The following IQSEC1 variants were observed in gnomAD, a reference collection of about 807,000 sequenced individuals.
IQSEC1 encodes the protein IQ motif and Sec7 domain ArfGEF 1.
In IQSEC1, 31 loss-of-function variants were observed where a neutral mutation model predicts 91.0. That is an observed-to-expected ratio of 0.34 (90% CI 0.26 to 0.46). IQSEC1 has a LOEUF of 0.46. Among genes scored for constraint, IQSEC1 ranks in the 20% least tolerant of loss-of-function variants. The probability of loss-of-function intolerance (pLI) is 1.00; values close to 1 mark genes in which losing one functional copy is unlikely to be tolerated. For synonymous variants in IQSEC1, 699 were observed against 662.6 expected (o/e 1.05, Z -0.84); for missense variants, 1,388 against 1,575.6 (o/e 0.88, Z 2.02).
intron 1 of IQSEC1, among the ~76,000 whole-genome samples, chr3:13,181,087 C>T (rs974823606): frequency 5.9e-5 from 9 of 152,146 alleles, no homozygotes; most frequent in Admixed American, 2.0e-4. Flanking sequence ...GTGGCTAACG[C>T]GGTGAAACCC....
chr3:13,156,808 C>T lies in IQSEC1; in HGVS notation c.302+7296G>A, dbSNP rs944594818. ...AAGGGGGATTGGACTGAGGAGAACT[C>T]ATCTTGGGTGAGACCTGGGGGAGCA... On this transcript the variant is annotated intron_variant, in intron 2 of 15. Coordinates refer to the IQSEC1 transcript ENST00000648114. 3.3e-5 allele frequency among the ~76,000 whole-genome samples: 5 copies of T among 152,262 alleles called. No individual in the cohort carries two copies. In the South Asian group the frequency reaches 8.3e-4, roughly 25 times the overall value.
intron 2 of IQSEC1, among the ~76,000 whole-genome samples, chr3:13,100,822 CG>C (rs1040237169): frequency 2.0e-5 from 3 of 148,824 alleles, no homozygotes; most frequent in African/African-American, 5.1e-5. Context: ...GCCACAGCGT[CG>C]GGGGGACCGA....
chr3:12,955,970 G>A (rs1439197214), intron 1 of IQSEC1, among the ~76,000 whole-genome samples: 1 of 152,224 alleles, frequency 6.6e-6, no homozygotes, highest in Non-Finnish European at 1.5e-5. Flanking sequence ...CCCAAACAGT[G>A]TTTCAAAAAC....
intron 2 of IQSEC1, among the ~76,000 whole-genome samples, chr3:13,101,419 C>CAAAAGAAAAAAAAAAAAAAAAA (rs1706061270): frequency 8.4e-6 from 1 of 119,488 alleles, no homozygotes; most frequent in Non-Finnish European, 1.8e-5. Context: ...ATTCCATCTC[C>CAAAAGAAAAAAAAAAAAAAAAA]AAAAAAAAAA....
chr3:13,201,559 G>C (rs1019912641), intron 1 of IQSEC1, among the ~76,000 whole-genome samples: 2 of 152,106 alleles, frequency 1.3e-5, no homozygotes, highest in South Asian at 4.1e-4. Context: ...GCTCAGGCTG[G>C]TCTCGAACTC....
intron 2 of IQSEC1, among the ~76,000 whole-genome samples, chr3:13,138,160 C>T (rs868233126): frequency 1.3e-5 from 2 of 152,216 alleles, no homozygotes; most frequent in African/African-American, 4.8e-5. Context: ...TCTTGTCTTC[C>T]TCACGCCCCG....
intron 2 of IQSEC1, among the ~76,000 whole-genome samples, chr3:13,112,572 G>A (rs1363284013): frequency 2.0e-5 from 3 of 150,256 alleles, no homozygotes; most frequent in Non-Finnish European, 4.4e-5. Context: ...TTCCCAGGGA[G>A]GGCACTGCGT....
Position 12,909,294 on chromosome 3 carries a change from T to G in IQSEC1, c.2557A>C (p.Met853Leu). 1 of 1,614,224 alleles carries G rather than the reference T, an allele frequency of 6.2e-7. No homozygotes were observed. ...TCACACTCTATCCTGTGCTTCTCCA[T>G]CTCTTGGACTTCCGCAATGGACTCC... is the stretch of plus-strand genomic sequence containing the variant. ...LRESIAEVQE[M>L]EKHRIESELE... Residue 853 changes from methionine to leucine, a missense_variant, in exon 11 of 14, where the codon ATG (methionine) becomes CTG (leucine). This residue lies in a region of IQSEC1 where 1,059 missense variants were observed against 1,317.8 expected (regional missense o/e 0.80). Coordinates refer to ENST00000613206, the MANE Select transcript of IQSEC1 (RefSeq NM_001134382.3). This position sits in a 1 kb window ranked among gnomAD's most constrained non-coding sequence, Gnocchi z 4.9.
rs1171044129 is a variant in IQSEC1 at position 13,190,773 on chromosome 3, T to C, written c.273-26640A>G. 2.0e-5 allele frequency among the ~76,000 whole-genome samples: 3 copies of C among 152,236 alleles called. No individual in the cohort carries two copies. The East Asian group carries it at 5.8e-4, about 29-fold the overall frequency. ...TGTCTACATACATAAACACTGTAAGTTGCTTGAGAGTAAGCCGTAAGTTAA... is the reference window on the plus strand; with the variant it reads ...TGTCTACATACATAAACACTGTAAGCTGCTTGAGAGTAAGCCGTAAGTTAA... On this transcript the variant is annotated intron_variant, in intron 1 of 15. Coordinates refer to the IQSEC1 transcript ENST00000648114.
At chr3:13,036,635 T>TG (rs1704046192) in intron 1 of IQSEC1, among the ~76,000 whole-genome samples, 1 of 151,932 alleles carries the variant, frequency 6.6e-6, no homozygotes, top group Non-Finnish European at 1.5e-5. Context: ...ATCAGCGGTG[T>TG]GGGGGGTGCC....
At chr3:12,925,295 G>A (rs1244798868) in intron 3 of IQSEC1, among the ~76,000 whole-genome samples, 5 of 152,172 alleles carry the variant, frequency 3.3e-5, no homozygotes, top group African/African-American at 9.7e-5. Context: ...CCACAGCACC[G>A]GCGGGGAGAA....
At chr3:13,042,758 G>C (rs1204093647) in intron 1 of IQSEC1, among the ~76,000 whole-genome samples, 1 of 152,130 alleles carries the variant, frequency 6.6e-6, no homozygotes, top group African/African-American at 2.4e-5. Context: ...CTGCAAGTCT[G>C]TTCTTCCAAC....
exon 1 of IQSEC1, among the ~76,000 whole-genome samples, chr3:13,283,230 A>G (rs1210356752): frequency 6.7e-6 from 1 of 149,228 alleles, no homozygotes; most frequent in Non-Finnish European, 1.5e-5. Context: ...CTGCGGCCGC[A>G]GCGGGCAGGC....
Position 12,994,797 on chromosome 3 carries a change from C to T in IQSEC1, c.24-52932G>A, listed in dbSNP as rs1702160641. Reference sequence around the variant, plus strand: ...GGGCCTGCCGGTGCCGCCCCCATCCCTCAGCCGACCTCGATTTAGATGCTG... The same window carrying T: ...GGGCCTGCCGGTGCCGCCCCCATCCTTCAGCCGACCTCGATTTAGATGCTG... On this transcript the variant is annotated intron_variant, in intron 1 of 13. Coordinates refer to ENST00000613206, the MANE Select transcript of IQSEC1 (RefSeq NM_001134382.3). The surrounding 1 kb of genome is among the most constrained non-coding windows in gnomAD (Gnocchi z 4.5). Among the ~76,000 whole-genome samples, 1 of 152,260 alleles carries T rather than the reference C, an allele frequency of 6.6e-6. No individual in the cohort carries two copies. The highest frequency in any genetic ancestry group is 2.1e-4 in the South Asian group (1 of 4,834).
At position 12,941,817 on chromosome 3, in the gene IQSEC1, G is replaced by A. The variant is rs776233283; in HGVS notation, c.72C>T (p.Ser24=). 3 of 1,609,400 alleles carry A rather than the reference G, an allele frequency of 1.9e-6. No individual in the cohort carries two copies. The highest frequency in any genetic ancestry group is 2.2e-5 in the South Asian group (2 of 90,588). ...AGGGGCCCTGGGGGTAGGCTGAGGG[G>A]CTGTCCAGGGATGTGCCAGTCTCAC... is the stretch of plus-strand genomic sequence containing the variant. ...PSSETGTSLD[S]PSAYPQGPLV... is the part of the protein sequence containing the mutation. Residue 24 remains serine, a synonymous_variant, in exon 2 of 14, where the codon AGC becomes AGT. Coordinates refer to ENST00000613206, the MANE Select transcript of IQSEC1 (RefSeq NM_001134382.3).
Position 13,218,743 on chromosome 3 carries a change from T to C in IQSEC1, c.273-54610A>G, listed in dbSNP as rs570450302. On this transcript the variant is annotated intron_variant, in intron 1 of 15. Transcript: ENST00000648114. The stretch of plus-strand genomic sequence containing the variant: ...ACCCTCAAGGGTGTGCACTGGGTCC[T>C]GCAGGCAATGGGGGAGCCATTGAAC... 9.9e-5 allele frequency among the ~76,000 whole-genome samples: 15 copies of C among 152,266 alleles called. No individual in the cohort carries two copies. In the East Asian group the frequency reaches 2.7e-3, roughly 27 times the overall value.
chr3:13,070,586 T>C (rs182403252), intron 1 of IQSEC1, among the ~76,000 whole-genome samples: 2 of 152,166 alleles, frequency 1.3e-5, no homozygotes, highest in Non-Finnish European at 2.9e-5. Flanking sequence ...CACAGGCTTA[T>C]CAAGTGCAGC....
At chr3:13,043,808 G>T (rs537935431) in intron 1 of IQSEC1, among the ~76,000 whole-genome samples, 2 of 152,300 alleles carry the variant, frequency 1.3e-5, no homozygotes, top group South Asian at 4.1e-4. Context: ...CCCTCTGGCC[G>T]CTTTGGGGCC....
chr3:13,235,098 G>C (rs1470846369), intron 1 of IQSEC1, among the ~76,000 whole-genome samples: 1 of 152,200 alleles, frequency 6.6e-6, no homozygotes, highest in African/African-American at 2.4e-5. Flanking sequence ...TTCTCTGATG[G>C]AAGAGATCCA....
Sources: allele counts gnomAD v4.1 joint callset (sites outside exome capture counted in the v4.1 genomes callset), GRCh38; gene constraint gnomAD v4.1.1; regional missense constraint gnomAD v4.1.1; non-coding constraint Gnocchi (gnomAD v3.1); transcripts MANE v1.5; gene names NCBI Gene and HGNC (gene_info 2026-07-23, HGNC 2026-07-21).